The following EHD4 variants were observed in gnomAD, a reference collection of about 807,000 sequenced individuals.
The protein encoded by EHD4 is EH domain containing 4, also known as EH domain-containing protein 4.
In EHD4, 37 loss-of-function variants were observed where a neutral mutation model predicts 51.0. The ratio of observed to expected loss-of-function variants is 0.73; its 90% CI spans 0.56 to 0.95. The LOEUF is 0.95. EHD4 is among the 40% of genes least tolerant of loss of function. EHD4 has a pLI of 0.00. For missense variants in EHD4, 632 were observed against 733.1 expected (o/e 0.86, Z 1.59); for synonymous variants, 297 against 317.3 (o/e 0.94, Z 0.68).
chr15:41,933,781 A>C (rs897541189), intron 3 of EHD4, among the ~76,000 whole-genome samples: 12 of 152,166 alleles, frequency 7.9e-5, no homozygotes, highest in African/African-American at 2.9e-4. Flanking sequence ...AAACTTAAAA[A>C]AATTCCTTCT....
chr15:41,908,779 CAT>C lies in EHD4; in HGVS notation c.1089+918_1089+919del, dbSNP rs750160805. The C allele has an allele frequency of 3.9e-5, 6 of 152,376 alleles. No homozygotes were observed. In the East Asian group the frequency reaches 1.2e-3, roughly 29 times the overall value. The allele number at this position is 152,376 out of a possible 1,614,324, so 9.4% of individuals were successfully genotyped here. A position where few individuals can be genotyped will look rare whatever the true frequency, so the allele number is the denominator to read the frequency against. On this transcript the variant is annotated intron_variant, in intron 5 of 5. Transcript: ENST00000220325. ...GGGATGGTTTTCTTCCTTGCTGACA[CAT>C]GTTTCTTGGAACCTTCTTCTCTATC...
At chr15:41,937,170 A>G (rs997285078) in intron 3 of EHD4, among the ~76,000 whole-genome samples, 1 of 152,186 alleles carries the variant, frequency 6.6e-6, no homozygotes, top group African/African-American at 2.4e-5. Flanking sequence ...CCTACCCCTC[A>G]GTATTCCATG....
chr15:41,972,203 G>A (rs2068001412), intron 1 of EHD4, 56 bp downstream of exon 1: 37 of 1,349,222 alleles, frequency 2.7e-5, no homozygotes, highest in Non-Finnish European at 3.3e-5. Flanking sequence ...CGACTGCGGC[G>A]CACACGTGGG....
intron 4 of EHD4, among the ~76,000 whole-genome samples, chr15:41,911,082 C>T (rs557762673): frequency 1.3e-4 from 20 of 152,288 alleles, no homozygotes; most frequent in Admixed American, 1.2e-3. Flanking sequence ...GCTGAGGGCC[C>T]GTGTGTGGAC....
At chr15:41,944,807 A>G (rs1292830145) in intron 2 of EHD4, among the ~76,000 whole-genome samples, 1 of 152,132 alleles carries the variant, frequency 6.6e-6, no homozygotes. Flanking sequence ...AAAGTTAAAA[A>G]CCTCATAACA....
chr15:41,921,186 G>A (rs995453723), intron 3 of EHD4, among the ~76,000 whole-genome samples: 2 of 152,184 alleles, frequency 1.3e-5, no homozygotes, highest in African/African-American at 4.8e-5. Context: ...CCGCTGTCCT[G>A]AGTGTGGTGT....
At chr15:41,909,674 T>C (rs76085783) in intron 5 of EHD4, 25 bp downstream of exon 5, 91,334 of 1,613,052 alleles carry the variant, frequency 0.057, 2,961 homozygotes, top group Admixed American at 0.07. Flanking sequence ...CCTCTGCCCG[T>C]GACATTGTAG....
rs201079021 is a variant in EHD4, at chr15:41,964,770, A to ATAT, written c.236+7488_236+7489insATA. Among the ~76,000 whole-genome samples, 416 of 141,694 alleles carry ATAT rather than the reference A, an allele frequency of 2.9e-3. 2 individuals are homozygous for ATAT. The highest frequency in any genetic ancestry group is 0.01 in the East Asian group (45 of 4,494). The allele number at this position is 141,694 out of a possible 152,430, so 93.0% of individuals were successfully genotyped here. On this transcript the variant is annotated intron_variant, in intron 1 of 5. Coordinates refer to ENST00000220325, the MANE Select transcript of EHD4 (RefSeq NM_139265.4). ...ATATATATAAGCCTGAAAAAAAAAAAAAATATATATATATATTTTGAGACA... is the reference window on the plus strand; with the variant it reads ...ATATATATAAGCCTGAAAAAAAAAAATATAAATATATATATATATTTTGAGACA...
In EHD4 at chr15:41,898,901, G is replaced by C. The variant is rs1006562721; in HGVS notation, c.*1744C>G. 3.3e-5 allele frequency: 5 copies of C among 152,198 alleles called. No homozygotes were observed. Among genetic ancestry groups the C allele is most frequent in the African/African-American group, 1.2e-4 (5 of 41,444 alleles). The allele number at this position is 152,198 out of a possible 1,614,324, so 9.4% of individuals were successfully genotyped here. A position where few individuals can be genotyped will look rare whatever the true frequency, so the allele number is the denominator to read the frequency against. ...ATGCGTCTAATGAATTTAAGTGCTT[G>C]TTAAGACTAAAAACCATGTTATGCA... On this transcript the variant is annotated 3_prime_UTR_variant, in exon 6 of 6. Transcript: ENST00000220325.
intron 4 of EHD4, among the ~76,000 whole-genome samples, chr15:41,911,357 G>A (rs965487717): frequency 2.6e-5 from 4 of 152,216 alleles, no homozygotes; most frequent in Non-Finnish European, 5.9e-5. Flanking sequence ...AAGATTCTTA[G>A]AGATAACTTG....
intron 2 of EHD4, among the ~76,000 whole-genome samples, chr15:41,948,232 G>A (rs1595542437): frequency 6.6e-6 from 1 of 152,032 alleles, no homozygotes. Flanking sequence ...CAGCATAGGT[G>A]ATGGAGCAAG....
At chr15:41,954,386 G>GA (rs2067873063) in intron 1 of EHD4, among the ~76,000 whole-genome samples, 1 of 152,238 alleles carries the variant, frequency 6.6e-6, no homozygotes, top group Non-Finnish European at 1.5e-5. Flanking sequence ...GGGCTCAAGG[G>GA]AAAAAACCTG....
At chr15:41,904,272 G>A (rs141694035) in intron 5 of EHD4, among the ~76,000 whole-genome samples, 3 of 152,276 alleles carry the variant, frequency 2.0e-5, no homozygotes, top group East Asian at 1.9e-4. Flanking sequence ...GGGAGTGGCC[G>A]CATATTTGCA....
chr15:41,960,670 ATTTTT>A (rs577281838), intron 1 of EHD4, among the ~76,000 whole-genome samples: 2 of 127,912 alleles, frequency 1.6e-5, no homozygotes. Flanking sequence ...CTTCACTTAC[ATTTTT>A]TTTTTTTTTT....
chr15:41,952,536 A>G (rs2067859224), intron 2 of EHD4, among the ~76,000 whole-genome samples: 1 of 152,160 alleles, frequency 6.6e-6, no homozygotes, highest in African/African-American at 2.4e-5. Context: ...GGGAAAGGGC[A>G]GAGTTGTAGC....
chr15:41,962,700 G>A lies in EHD4; in HGVS notation c.237-8760C>T, dbSNP rs1226950390. 2.0e-5 allele frequency among the ~76,000 whole-genome samples: 3 copies of A among 151,766 alleles called. No individual in the cohort carries two copies. The East Asian group carries it at 5.8e-4, about 29-fold the overall frequency. ...GGGGGGCAGCCCCCACCCGGCCGCC[G>A]CCCCGTCTGGGAGGTGGGGGGCGCC... On this transcript the variant is annotated intron_variant, in intron 1 of 5. Transcript: ENST00000220325.
At chr15:41,948,220 T>A (rs1418355562) in intron 2 of EHD4, among the ~76,000 whole-genome samples, 1 of 151,956 alleles carries the variant, frequency 6.6e-6, no homozygotes, top group Non-Finnish European at 1.5e-5. Context: ...GCCACTGCAC[T>A]CCAGCATAGG....
At chr15:41,915,328 T>C (rs909575182) in intron 4 of EHD4, among the ~76,000 whole-genome samples, 3 of 152,220 alleles carry the variant, frequency 2.0e-5, no homozygotes, top group Non-Finnish European at 4.4e-5. Context: ...TCTGCCCGCC[T>C]TGGTTTCCTG....
chr15:41,926,436 C>T (rs77928347), intron 3 of EHD4, among the ~76,000 whole-genome samples: 9,631 of 152,188 alleles, frequency 0.063, 339 homozygotes, highest in Middle Eastern at 0.082. Context: ...CCTACCACTG[C>T]CCCCAGCACT....
Sources: allele counts gnomAD v4.1 joint callset (sites outside exome capture counted in the v4.1 genomes callset), GRCh38; gene constraint gnomAD v4.1.1; transcripts MANE v1.5; gene names NCBI Gene and HGNC (gene_info 2026-07-23, HGNC 2026-07-21).